Variants in TET2 observed in about 807,000 individuals in gnomAD.
TET2 encodes the protein tet methylcytosine dioxygenase 2, also known as methylcytosine dioxygenase TET2.
In TET2, 299 loss-of-function variants were observed where a neutral mutation model predicts 142.9. The ratio of observed to expected loss-of-function variants is 2.09; its 90% confidence interval spans 1.90 to 2.30. TET2 has a LOEUF of 2.30. TET2 is among the 30% of genes most tolerant of loss of function. The pLI is 0.00. For missense variants in TET2, 2,418 were observed against 2,378.0 expected, an observed-to-expected ratio of 1.02 and a Z score of -0.35; for synonymous variants, 819 against 849.0, an observed-to-expected ratio of 0.96 and a Z score of 0.61.
chr4:105,156,270 C>G (rs1384327191), intron 1 of TET2, among the ~76,000 whole-genome samples: 1 of 152,064 alleles, frequency 6.6e-6, no homozygotes, highest in Non-Finnish European at 1.5e-5. Context: ...ACACCATATT[C>G]AAAAGAAGAA....
At chr4:105,194,439 A>G (rs767543110) in intron 2 of TET2, among the ~76,000 whole-genome samples, 2 of 152,182 alleles carry the variant, frequency 1.3e-5, no homozygotes, top group Non-Finnish European at 2.9e-5. Context: ...ATCTTTCAGA[A>G]GAAAAATAGC....
At chr4:105,152,632 C>T (rs1216722952) in intron 1 of TET2, among the ~76,000 whole-genome samples, 2 of 121,464 alleles carry the variant, frequency 1.6e-5, no homozygotes, top group Admixed American at 1.1e-4. Flanking sequence ...GTATCTTGCT[C>T]TGTCACCTAG....
intron 2 of TET2, among the ~76,000 whole-genome samples, chr4:105,197,571 G>T (rs1473077969): frequency 6.6e-6 from 1 of 152,144 alleles, no homozygotes; most frequent in Non-Finnish European, 1.5e-5. Context: ...ATGCAGGCTT[G>T]CAGGGAAAAA....
chr4:105,186,146 C>T (rs1489817116), intron 1 of TET2, among the ~76,000 whole-genome samples: 1 of 152,010 alleles, frequency 6.6e-6, no homozygotes, highest in Non-Finnish European at 1.5e-5. Flanking sequence ...GGAAGGATAG[C>T]TTGAGTCTGG....
At chr4:105,198,146 G>A (rs926599604) in intron 2 of TET2, among the ~76,000 whole-genome samples, 3 of 152,106 alleles carry the variant, frequency 2.0e-5, no homozygotes, top group African/African-American at 7.2e-5. Context: ...AGACCAGCCT[G>A]ACCAGTATGG....
chr4:105,235,647 G>T lies in TET2; in HGVS notation c.1705G>T (p.Ala569Ser). The T allele has an allele frequency of 2.5e-6, 4 of 1,614,104 alleles. No homozygotes were observed. The highest frequency in any genetic ancestry group is 2.5e-6 in the Non-Finnish European group (3 of 1,179,996). The change falls in exon 3 of 11, where the codon GCC becomes TCC. Residue 569 changes from alanine to serine, a missense_variant. Coordinates refer to ENST00000380013, the MANE Select transcript of TET2 (RefSeq NM_001127208.3). ...YLKPGWIELK[A>S]PRFHQAESHL... ...GAAACCAGGATGGATTGAATTGAAG[G>T]CCCCTCGTTTTCACCAAGCGGAATC...
Position 105,234,742 on chromosome 4 carries a change from C to CA in TET2, c.801dup (p.Ser268IlefsTer14). The CA allele has an allele frequency of 6.2e-7, 1 of 1,613,966 alleles. No homozygotes were observed. The highest frequency in any genetic ancestry group is 8.5e-7 in the Non-Finnish European group (1 of 1,179,958). ...GAGTTGTCCTGTGAGATCACTCACCCATCGCATACCTCAGGGCAGATCAAT... is the reference window on the plus strand; with the variant it reads ...GAGTTGTCCTGTGAGATCACTCACCCAATCGCATACCTCAGGGCAGATCAAT... On this transcript the variant is annotated frameshift_variant, in exon 3 of 11. Transcript: ENST00000380013. LOFTEE classifies it high-confidence loss of function.
chr4:105,248,755 A>C (rs1729709373), intron 6 of TET2, among the ~76,000 whole-genome samples: 1 of 152,082 alleles, frequency 6.6e-6, no homozygotes, highest in Non-Finnish European at 1.5e-5. Flanking sequence ...CTAGTTTCAG[A>C]ACGTTTTCAT....
At chr4:105,177,422 A>G (rs1578564966) in intron 1 of TET2, among the ~76,000 whole-genome samples, 1 of 152,366 alleles carries the variant, frequency 6.6e-6, no homozygotes, top group South Asian at 2.1e-4. Flanking sequence ...AACTCTTACA[A>G]CTCAACAGTT....
intron 6 of TET2, among the ~76,000 whole-genome samples, chr4:105,254,151 G>C (rs895943784): frequency 1.3e-5 from 2 of 152,080 alleles, no homozygotes; most frequent in African/African-American, 4.8e-5. Flanking sequence ...AAGTTATGAA[G>C]TATTTTCTCT....
chr4:105,187,051 A>T (rs1024844083), intron 1 of TET2, among the ~76,000 whole-genome samples: 3 of 152,168 alleles, frequency 2.0e-5, no homozygotes, highest in Non-Finnish European at 4.4e-5. Context: ...TCAACCAGAT[A>T]ACTGCTGGTA....
intron 2 of TET2, among the ~76,000 whole-genome samples, chr4:105,207,797 C>T (rs7663401): frequency 0.52 from 78,839 of 151,780 alleles, 21,186 homozygotes; most frequent in Non-Finnish European, 0.61. Flanking sequence ...GTCCTACAGA[C>T]GATAAGAAGA....
At chr4:105,251,924 C>T (rs1440095039) in intron 6 of TET2, among the ~76,000 whole-genome samples, 3 of 152,168 alleles carry the variant, frequency 2.0e-5, no homozygotes, top group African/African-American at 7.2e-5. Context: ...GAATGAAAGG[C>T]ACAGAGCTTC....
chr4:105,190,301 G>A (rs146361866), intron 1 of TET2, 59 bp from the exon 2 acceptor site: 58 of 570,210 alleles, frequency 1.0e-4, no homozygotes, highest in African/African-American at 9.0e-4. Flanking sequence ...TTTATATCAG[G>A]TGTATATACC....
chr4:105,233,388 A>G (rs1463039335), intron 2 of TET2, among the ~76,000 whole-genome samples: 1 of 149,514 alleles, frequency 6.7e-6, no homozygotes, highest in Admixed American at 6.6e-5. Flanking sequence ...CATCTCAAAA[A>G]AAAAAAAAAA....
chr4:105,245,206 A>G (rs1447790777), intron 6 of TET2, among the ~76,000 whole-genome samples: 2 of 152,230 alleles, frequency 1.3e-5, no homozygotes, highest in Admixed American at 6.5e-5. Flanking sequence ...ACTTTCTATG[A>G]TAATTATGAT....
chr4:105,274,404 TTA>T (rs1488674531), intron 10 of TET2, among the ~76,000 whole-genome samples: 1 of 152,250 alleles, frequency 6.6e-6, no homozygotes, highest in Admixed American at 6.5e-5. Context: ...CACTTGTTGA[TTA>T]TATAAGATGC....
chr4:105,171,234 T>G (rs1421600928), intron 1 of TET2: 3 of 152,178 alleles, frequency 2.0e-5, no homozygotes, highest in African/African-American at 7.2e-5. Flanking sequence ...CCTGGCACAT[T>G]ATAAGCCTAT....
chr4:105,205,062 ACT>A lies in TET2; in HGVS notation c.-47+14560_-47+14561del, dbSNP rs1307248698. On this transcript the variant is annotated intron_variant, in intron 2 of 10. Transcript: ENST00000380013. ...GTTTTGTCAATAAAAGAGTTTTAAG[ACT>A]CTAGTTATACTATAGCTATAGCCAA... is the stretch of plus-strand genomic sequence containing the variant. Among the ~76,000 whole-genome samples, 18 of 152,138 alleles carry A rather than the reference ACT, an allele frequency of 1.2e-4. No homozygotes were observed. The South Asian group carries it at 1.5e-3, about 12-fold the overall frequency.
Sources: gnomAD v4.1 joint callset for allele counts (sites outside exome capture counted in the v4.1 genomes callset) on GRCh38, gnomAD v4.1.1 for gene constraint, MANE v1.5 for transcripts, NCBI Gene and HGNC (gene_info 2026-07-23, HGNC 2026-07-21) for gene names.